The following IL1RAPL2 variants were observed in gnomAD, a reference collection of about 807,000 sequenced individuals.
IL1RAPL2 encodes the protein X-linked interleukin-1 receptor accessory protein-like 2.
Under a neutral mutation model 44.1 loss-of-function variants are expected in IL1RAPL2, and 3 were observed. The observed-to-expected ratio is 0.07, with a 90% CI of 0.03 to 0.18. The LOEUF (loss-of-function observed/expected upper bound fraction) is 0.18. Among genes scored for constraint, IL1RAPL2 ranks in the 10% least tolerant of loss-of-function variants. The pLI, the probability that IL1RAPL2 is intolerant of heterozygous loss-of-function variation, is 1.00. For synonymous variants in IL1RAPL2, 181 were observed against 178.8 expected (o/e 1.01, Z -0.10); for missense variants, 391 against 496.4 (o/e 0.79, Z 2.02).
intron 5 of IL1RAPL2, among the ~76,000 whole-genome samples, chrX:105,272,804 T>G (rs1180140321): frequency 8.9e-6 from 1 of 112,326 alleles, no homozygotes; most frequent in Non-Finnish European, 1.9e-5. Context: ...TGTAGTGCCT[T>G]GTTGCAGGTG....
chrX:105,593,459 G>A (rs2037187489), intron 6 of IL1RAPL2, among the ~76,000 whole-genome samples: 1 of 111,857 alleles, frequency 8.9e-6, no homozygotes, highest in South Asian at 3.7e-4. Flanking sequence ...TGGTTATGAA[G>A]CATTGCTGAG....
intron 6 of IL1RAPL2, among the ~76,000 whole-genome samples, chrX:105,665,744 T>TTG (rs1556377976): frequency 1.1e-5 from 1 of 91,775 alleles, no homozygotes; most frequent in African/African-American, 4.7e-5. Flanking sequence ...GTTTTTTTGT[T>TTG]TTTTTTTTTT....
chrX:104,906,804 A>G (rs775419469), intron 2 of IL1RAPL2, among the ~76,000 whole-genome samples: 6,417 of 111,578 alleles, frequency 0.058, 467 homozygotes, highest in African/African-American at 0.2. Context: ...TTGGTATCAG[A>G]ATGATGCTGG....
intron 2 of IL1RAPL2, among the ~76,000 whole-genome samples, chrX:104,792,986 G>A (rs776389593): frequency 8.9e-6 from 1 of 112,151 alleles, no homozygotes; most frequent in East Asian, 2.8e-4. Flanking sequence ...AAGTTTGAAA[G>A]CTCATTGTCC....
chrX:104,623,823 G>C (rs1053925155), intron 1 of IL1RAPL2, among the ~76,000 whole-genome samples: 1 of 111,861 alleles, frequency 8.9e-6, no homozygotes, highest in Non-Finnish European at 1.9e-5. Context: ...TCAGTTTATC[G>C]CATTCAGAGC....
chrX:104,717,904 C>A (rs1931605324), intron 2 of IL1RAPL2, among the ~76,000 whole-genome samples: 1 of 110,137 alleles, frequency 9.1e-6, no homozygotes, highest in South Asian at 3.9e-4. Context: ...TGGTTTCCAG[C>A]TTCATCCATG....
intron 6 of IL1RAPL2, among the ~76,000 whole-genome samples, chrX:105,495,933 C>T (rs1245313314): frequency 2.7e-5 from 3 of 111,630 alleles, no homozygotes; most frequent in Non-Finnish European, 3.8e-5. Context: ...TTATACTCTA[C>T]TCCCTTTTAG....
intron 6 of IL1RAPL2, among the ~76,000 whole-genome samples, chrX:105,601,595 A>G (rs1360287816): frequency 9.0e-6 from 1 of 111,434 alleles, no homozygotes; most frequent in East Asian, 2.9e-4. Flanking sequence ...GGGGAACTCC[A>G]CAATCCTCCA....
At chrX:105,668,896 A>G (rs866264873) in intron 6 of IL1RAPL2, among the ~76,000 whole-genome samples, 1 of 111,692 alleles carries the variant, frequency 9.0e-6, no homozygotes, top group Middle Eastern at 4.7e-3. Flanking sequence ...AGGATCATCT[A>G]CAGAACCAGG....
At chrX:105,401,300 G>A (rs1379487861) in intron 5 of IL1RAPL2, among the ~76,000 whole-genome samples, 1 of 111,208 alleles carries the variant, frequency 9.0e-6, no homozygotes, top group Admixed American at 9.6e-5. Flanking sequence ...TTGCCAAAAG[G>A]TTATATGAGA....
At chrX:105,532,027 T>C (rs1206332848) in intron 6 of IL1RAPL2, among the ~76,000 whole-genome samples, 1 of 111,980 alleles carries the variant, frequency 8.9e-6, no homozygotes, top group Non-Finnish European at 1.9e-5. Flanking sequence ...CATTAGTTGT[T>C]GAACACTTTC....
chrX:104,943,334 C>G (rs1203547797), intron 2 of IL1RAPL2, among the ~76,000 whole-genome samples: 1 of 111,493 alleles, frequency 9.0e-6, no homozygotes, highest in Non-Finnish European at 1.9e-5. Flanking sequence ...GAGCTCCAGA[C>G]TTGTATAACC....
At chrX:105,397,049 T>C (rs1482221381) in intron 5 of IL1RAPL2, among the ~76,000 whole-genome samples, 2 of 110,433 alleles carry the variant, frequency 1.8e-5, no homozygotes, top group Admixed American at 1.9e-4. Flanking sequence ...GAACTGTACA[T>C]GTGAGGGATC....
intron 4 of IL1RAPL2, among the ~76,000 whole-genome samples, chrX:105,252,373 AAC>A (rs1323989232): frequency 1.8e-5 from 2 of 111,790 alleles, no homozygotes; most frequent in Non-Finnish European, 3.8e-5. Context: ...TTAGGAATAA[AAC>A]TGTTACAAGC....
At chrX:105,545,749 T>C (rs2036790624) in intron 6 of IL1RAPL2, among the ~76,000 whole-genome samples, 1 of 111,904 alleles carries the variant, frequency 8.9e-6, no homozygotes, top group Non-Finnish European at 1.9e-5. Flanking sequence ...TTTCAGTGAT[T>C]GGCTTATGAT....
intron 5 of IL1RAPL2, among the ~76,000 whole-genome samples, chrX:105,374,880 G>A (rs6523842): frequency 0.12 from 12,692 of 101,863 alleles, 2,231 homozygotes; most frequent in African/African-American, 0.44. Flanking sequence ...CCCGGTAGAC[G>A]GAGCTTGCAG....
chrX:104,645,364 C>G (rs1443631002), intron 1 of IL1RAPL2, among the ~76,000 whole-genome samples: 5 of 111,760 alleles, frequency 4.5e-5, no homozygotes. Flanking sequence ...CCCCTGATCA[C>G]CTCACCAGTG....
At chrX:105,049,161 G>GT (rs59979651) in intron 2 of IL1RAPL2, among the ~76,000 whole-genome samples, 2,259 of 99,110 alleles carry the variant, frequency 0.023, 50 homozygotes, top group African/African-American at 0.063. Context: ...ACTACTTATG[G>GT]TTTTTTTTTT....
At chrX:105,030,311 G>C (rs1014221833) in intron 2 of IL1RAPL2, among the ~76,000 whole-genome samples, 17 of 111,000 alleles carry the variant, frequency 1.5e-4, no homozygotes, top group African/African-American at 5.6e-4. Flanking sequence ...TAGACATGAA[G>C]TCCTTGCCCA....
Sources: gnomAD v4.1 joint callset for allele counts (sites outside exome capture counted in the v4.1 genomes callset) on GRCh38, gnomAD v4.1.1 for gene constraint, MANE v1.5 for transcripts, NCBI Gene and HGNC (gene_info 2026-07-23, HGNC 2026-07-21) for gene names.